SLC16A10: variants seen among roughly 807,000 people sequenced by gnomAD.
The protein encoded by SLC16A10 is monocarboxylate transporter 10.
Under a neutral mutation model 40.0 loss-of-function variants are expected in SLC16A10, and 27 were observed. The ratio of observed to expected loss-of-function variants is 0.67; its 90% CI spans 0.50 to 0.93. The LOEUF (loss-of-function observed/expected upper bound fraction) is 0.93. Among genes scored for constraint, SLC16A10 ranks in the 40% least tolerant of loss-of-function variants. SLC16A10 has a pLI of 0.00. For missense variants in SLC16A10, 529 were observed against 658.2 expected, an observed-to-expected ratio of 0.80 and a Z score of 2.15; for synonymous variants, 213 against 249.8, an observed-to-expected ratio of 0.85 and a Z score of 1.39.
intron 1 of SLC16A10, among the ~76,000 whole-genome samples, chr6:111,140,745 T>C (rs1017607675): frequency 2.0e-5 from 3 of 152,224 alleles, no homozygotes; most frequent in African/African-American, 4.8e-5. Flanking sequence ...CATTAAATAA[T>C]TGAAAGCAAA....
intron 1 of SLC16A10, among the ~76,000 whole-genome samples, chr6:111,120,636 C>T (rs1297520092): frequency 6.6e-6 from 1 of 152,192 alleles, no homozygotes; most frequent in African/African-American, 2.4e-5. Context: ...CAGACTGGTG[C>T]CTGTCCATGA....
intron 3 of SLC16A10, 52 bp downstream of exon 3, chr6:111,177,717 C>A: frequency 7.0e-7 from 1 of 1,430,768 alleles, no homozygotes; most frequent in Non-Finnish European, 9.3e-7. Context: ...TAAAGAAAAA[C>A]TTCTTTGAAG....
Position 111,094,171 on chromosome 6 carries a change from A to G in SLC16A10, c.343+6076A>G, listed in dbSNP as rs73528965. Among the ~76,000 whole-genome samples the G allele has an allele frequency of 9.2e-3, 1,395 of 152,276 alleles. 27 individuals are homozygous for G. The highest frequency in any genetic ancestry group is 0.032 in the African/African-American group (1,344 of 41,554). ...TACTCTGCTTTTGATGTGATTTGCT[A>G]CATCTTTTTGTTGCAGTTCCTTGAG... is the stretch of plus-strand genomic sequence containing the variant. On this transcript the variant is annotated intron_variant, in intron 1 of 5. Coordinates refer to ENST00000368851, the MANE Select transcript of SLC16A10 (RefSeq NM_018593.5).
chr6:111,206,076 A>G (rs907621185), intron 3 of SLC16A10, among the ~76,000 whole-genome samples: 2 of 151,050 alleles, frequency 1.3e-5, no homozygotes, highest in Non-Finnish European at 2.9e-5. Context: ...ACTCTTATAA[A>G]CATGCTTTTT....
chr6:111,090,751 T>G (rs529583998), intron 1 of SLC16A10, among the ~76,000 whole-genome samples: 3 of 152,262 alleles, frequency 2.0e-5, no homozygotes, highest in Non-Finnish European at 4.4e-5. Context: ...ATTCGAATGC[T>G]GAGTCGTCTG....
In SLC16A10 at chr6:111,087,761, C is replaced by T; in HGVS notation, c.9C>T (p.Leu3=). Residue 3 remains leucine, a synonymous_variant, in exon 1 of 6, where the codon CTC becomes CTT. Coordinates refer to ENST00000368851, the MANE Select transcript of SLC16A10 (RefSeq NM_018593.5). MV[L]SQEEPDSARG... The stretch of plus-strand genomic sequence containing the variant: ...GGGGCCCGCCTCGGGCCATGGTGCT[C>T]TCCCAGGAGGAGCCGGACTCCGCGC... 2.5e-6 allele frequency: 3 copies of T among 1,219,268 alleles called. No homozygotes were observed. The highest frequency in any genetic ancestry group is 4.1e-5 in the South Asian group (1 of 24,462). The allele number at this position is 1,219,268 out of a possible 1,614,324, so 75.5% of individuals were successfully genotyped here.
intron 1 of SLC16A10, among the ~76,000 whole-genome samples, chr6:111,141,544 C>T (rs1303448409): frequency 6.6e-6 from 1 of 152,062 alleles, no homozygotes; most frequent in Admixed American, 6.6e-5. Flanking sequence ...TGCCTGTAAT[C>T]CCAGCTACTT....
chr6:111,181,145 G>A (rs1434016326), intron 3 of SLC16A10, among the ~76,000 whole-genome samples: 3 of 151,352 alleles, frequency 2.0e-5, no homozygotes, highest in Non-Finnish European at 4.4e-5. Context: ...AACTTGGGAG[G>A]CAGAGGTTGC....
In SLC16A10 at chr6:111,197,401, C is replaced by CT. The variant is rs1182291898; in HGVS notation, c.943-9188dup. ...TCTTTGTTTCTTTCAAAAATCAAAT[C>CT]TTTAAGTTAAAATTTCAATAACCAA... On this transcript the variant is annotated intron_variant, in intron 3 of 5. Transcript: ENST00000368851. Among the ~76,000 whole-genome samples, 6 of 152,248 alleles carry CT rather than the reference C, an allele frequency of 3.9e-5. No individual in the cohort carries two copies. In the East Asian group the frequency reaches 9.6e-4, roughly 24 times the overall value.
At chr6:111,117,950 C>A (rs187040699) in intron 1 of SLC16A10, among the ~76,000 whole-genome samples, 1 of 152,244 alleles carries the variant, frequency 6.6e-6, no homozygotes, top group East Asian at 1.9e-4. Context: ...AGCCAAAATA[C>A]TGACATTTTA....
chr6:111,189,872 A>G (rs181516318), intron 3 of SLC16A10, among the ~76,000 whole-genome samples: 4 of 152,288 alleles, frequency 2.6e-5, no homozygotes, highest in African/African-American at 9.6e-5. Flanking sequence ...TGGGTAGGGA[A>G]CACAGCCAAA....
chr6:111,109,526 C>T lies in SLC16A10; in HGVS notation c.343+21431C>T, dbSNP rs182459311. 2.8e-4 allele frequency among the ~76,000 whole-genome samples: 42 copies of T among 150,192 alleles called. No individual in the cohort carries two copies. In the East Asian group the frequency reaches 4.3e-3, roughly 15 times the overall value. On this transcript the variant is annotated intron_variant, in intron 1 of 5. Transcript: ENST00000368851. ...CTGGAGTGCAGTGGTGTGATCATGG[C>T]TCACTGCAGCCTTGACTTCCCAGAC...
Position 111,172,854 on chromosome 6 carries a change from T to G in SLC16A10, c.488+15T>G, listed in dbSNP as rs2114542651. 6.2e-7 allele frequency: 1 copy of G among 1,608,580 alleles called. No individual in the cohort carries two copies. The highest frequency in any genetic ancestry group is 2.2e-5 in the East Asian group (1 of 44,810). On this transcript the variant is annotated intron_variant, in intron 2 of 5. Transcript: ENST00000368851. The stretch of plus-strand genomic sequence containing the variant: ...TCTTTTGTAAGGTAAGGACTTGGTT[T>G]TTTCATGTTGCTTTTTAAAAACTGT...
chr6:111,130,981 G>A (rs1283041558), intron 1 of SLC16A10, among the ~76,000 whole-genome samples: 1 of 152,230 alleles, frequency 6.6e-6, no homozygotes, highest in Non-Finnish European at 1.5e-5. Context: ...TTAAATGAGT[G>A]AGTATTTGTA....
chr6:111,101,925 T>C (rs1771196260), intron 1 of SLC16A10, among the ~76,000 whole-genome samples: 1 of 152,238 alleles, frequency 6.6e-6, no homozygotes, highest in African/African-American at 2.4e-5. Flanking sequence ...CTGGCAGAAT[T>C]ATACATTTAT....
At position 111,185,588 on chromosome 6, in the gene SLC16A10, G is replaced by T. The variant is rs372512242; in HGVS notation, c.942+7923G>T. Reference sequence around the variant, plus strand: ...AATATGAGAAAACTGAGGCCATGCAGTTACTTTTCACAACCTGTGACAAGC... The same window carrying T: ...AATATGAGAAAACTGAGGCCATGCATTTACTTTTCACAACCTGTGACAAGC... On this transcript the variant is annotated intron_variant, in intron 3 of 5. Transcript: ENST00000368851. Among the ~76,000 whole-genome samples the T allele has an allele frequency of 3.9e-5, 6 of 152,238 alleles. No individual in the cohort carries two copies. The South Asian group carries it at 6.2e-4, about 16-fold the overall frequency.
At chr6:111,159,785 T>G (rs943230963) in intron 1 of SLC16A10, among the ~76,000 whole-genome samples, 7 of 152,222 alleles carry the variant, frequency 4.6e-5, no homozygotes, top group African/African-American at 1.7e-4. Flanking sequence ...AAAGTTCTTG[T>G]TGCTCTACAT....
intron 3 of SLC16A10, among the ~76,000 whole-genome samples, chr6:111,205,750 A>G (rs1247782757): frequency 2.0e-5 from 3 of 152,254 alleles, no homozygotes; most frequent in Non-Finnish European, 4.4e-5. Flanking sequence ...TTTAACTGCT[A>G]TGTTAAACTG....
intron 1 of SLC16A10, among the ~76,000 whole-genome samples, chr6:111,088,732 A>AG (rs1382711889): frequency 6.6e-6 from 1 of 152,150 alleles, no homozygotes; most frequent in Non-Finnish European, 1.5e-5. Flanking sequence ...AGGAAGGTGA[A>AG]GGGTTGCTTC....
Sources: gnomAD v4.1 joint callset for allele counts (sites outside exome capture counted in the v4.1 genomes callset) on GRCh38, gnomAD v4.1.1 for gene constraint, MANE v1.5 for transcripts, NCBI Gene and HGNC (gene_info 2026-07-23, HGNC 2026-07-21) for gene names.